Variants in MDM2 observed in about 807,000 individuals in gnomAD.
The protein encoded by MDM2 is MDM2 proto-oncogene, also known as E3 ubiquitin-protein ligase Mdm2.
A neutral mutation model predicts 64.3 loss-of-function variants in MDM2; 11 were observed. The ratio of observed to expected loss-of-function variants is 0.17; its 90% CI spans 0.11 to 0.28. The LOEUF is 0.28. Among genes scored for constraint, MDM2 ranks in the 10% least tolerant of loss-of-function variants. The pLI is 1.00. For missense variants in MDM2, 388 were observed against 577.1 expected, an observed-to-expected ratio of 0.67 and a Z score of 3.36; for synonymous variants, 194 against 192.9, an observed-to-expected ratio of 1.01 and a Z score of -0.05.
intron 7 of MDM2, among the ~76,000 whole-genome samples, chr12:68,825,302 A>G (rs1471200213): frequency 6.6e-6 from 1 of 152,244 alleles, no homozygotes; most frequent in Admixed American, 6.5e-5. Context: ...GTTATTTTTA[A>G]TAAATGGTAG....
chr12:68,833,265 T>A (rs1163917718), intron 8 of MDM2, among the ~76,000 whole-genome samples: 10 of 52,496 alleles, frequency 1.9e-4, no homozygotes, highest in Middle Eastern at 8.9e-3. Context: ...ATTTATATAA[T>A]TATATATTTA....
chr12:68,846,991 T>C (rs1404816189), downstream of MDM2: 1 of 151,446 alleles, frequency 6.6e-6, no homozygotes, highest in Non-Finnish European at 1.5e-5. Flanking sequence ...AAGTTTTTTA[T>C]TTGTTTTTTG....
chr12:68,809,255 C>G lies in MDM2; in HGVS notation c.62C>G (p.Thr21Ser). The G allele has an allele frequency of 6.2e-7, 1 of 1,614,090 alleles. No individual in the cohort carries two copies. The highest frequency in any genetic ancestry group is 8.5e-7 in the Non-Finnish European group (1 of 1,179,990). Reference sequence around the variant, plus strand: ...TCTGTACCTACTGATGGTGCTGTAACCACCTCACAGATTCCAGCTTCGGAA... The same window carrying G: ...TCTGTACCTACTGATGGTGCTGTAAGCACCTCACAGATTCCAGCTTCGGAA... Reference protein sequence around the residue: ...NMSVPTDGAVTTSQIPASEQE... With the variant: ...NMSVPTDGAVSTSQIPASEQE... Residue 21 changes from threonine (T) to serine (S), a missense_variant, in exon 2 of 11, where the codon ACC becomes AGC. Around this residue, in one of 5 missense-constraint regions of MDM2, gnomAD observed 46 missense variants for 45.2 expected, o/e 1.02. Coordinates refer to ENST00000258149, the MANE Select transcript of MDM2 (RefSeq NM_002392.6).
intron 2 of MDM2, 116 bp from the exon 3 acceptor site, chr12:68,813,438 C>T: frequency 1.5e-6 from 1 of 651,796 alleles, no homozygotes; most frequent in Non-Finnish European, 2.7e-6. Flanking sequence ...ATGATTAGAT[C>T]CTCCCCAGCA....
chr12:68,815,417 G>C (rs904004975), intron 3 of MDM2, among the ~76,000 whole-genome samples: 3 of 150,550 alleles, frequency 2.0e-5, no homozygotes, highest in Admixed American at 2.0e-4. Flanking sequence ...AGAAGAGCTG[G>C]GGCCAGTTTC....
At chr12:68,808,863 A>G in intron 1 of MDM2, 1 of 1,329,728 alleles carries the variant, frequency 7.5e-7, no homozygotes, top group Non-Finnish European at 9.7e-7. Flanking sequence ...CGCTGCGCGT[A>G]GTCTGGGCGG....
At chr12:68,831,542 G>A (rs1321378461) in intron 8 of MDM2, among the ~76,000 whole-genome samples, 5 of 152,196 alleles carry the variant, frequency 3.3e-5, no homozygotes, top group African/African-American at 1.2e-4. Context: ...GGTGGGAATC[G>A]CCATGTTGGG....
At chr12:68,820,420 T>C in intron 5 of MDM2, 46 bp downstream of exon 5, 2 of 1,459,310 alleles carry the variant, frequency 1.4e-6, no homozygotes, top group South Asian at 1.2e-5. Context: ...AAAAACGTTT[T>C]AAAGACATTT....
At chr12:68,823,040 C>G (rs1881997864) in intron 5 of MDM2, among the ~76,000 whole-genome samples, 1 of 152,202 alleles carries the variant, frequency 6.6e-6, no homozygotes, top group African/African-American at 2.4e-5. Flanking sequence ...TGCACCCACC[C>G]AGCCTAGGGC....
At chr12:68,827,869 G>A (rs1440990561) in intron 7 of MDM2, among the ~76,000 whole-genome samples, 1 of 152,182 alleles carries the variant, frequency 6.6e-6, no homozygotes, top group Admixed American at 6.5e-5. Flanking sequence ...AGTGGCTTAG[G>A]CCTGTAATCC....
At chr12:68,849,508 C>G (rs1884561466), downstream of MDM2, 1 of 152,176 alleles carries the variant, frequency 6.6e-6, no homozygotes, top group Non-Finnish European at 1.5e-5. Context: ...CTCCCAAGGT[C>G]AAATGATTCT....
At chr12:68,815,082 G>A (rs962428118) in intron 3 of MDM2, among the ~76,000 whole-genome samples, 13 of 152,158 alleles carry the variant, frequency 8.5e-5, no homozygotes, top group African/African-American at 2.2e-4. Flanking sequence ...CTTTAAGGCC[G>A]ATGCCTGCTT....
At chr12:68,828,347 G>A (rs1422566686) in intron 7 of MDM2, 2 of 154,008 alleles carry the variant, frequency 1.3e-5, no homozygotes, top group Non-Finnish European at 2.9e-5. Flanking sequence ...AAGAAGAATA[G>A]AAAGCTTTTT....
chr12:68,836,918 T>C (rs1343970997), intron 10 of MDM2, among the ~76,000 whole-genome samples, 169 bp downstream of exon 10: 3 of 151,874 alleles, frequency 2.0e-5, no homozygotes, highest in Admixed American at 2.0e-4. Flanking sequence ...ATGAGACCTG[T>C]AGCTATAATT....
At chr12:68,815,105 C>A (rs1374686612) in intron 3 of MDM2, among the ~76,000 whole-genome samples, 3 of 152,114 alleles carry the variant, frequency 2.0e-5, no homozygotes, top group Non-Finnish European at 4.4e-5. Flanking sequence ...CCAGTTAAAT[C>A]CAAAGACAGT....
intron 8 of MDM2, among the ~76,000 whole-genome samples, chr12:68,834,125 T>C (rs1024166110): frequency 6.6e-6 from 1 of 152,178 alleles, no homozygotes; most frequent in African/African-American, 2.4e-5. Context: ...CTTTTCTAGA[T>C]GAAGTAGCTA....
intron 7 of MDM2, among the ~76,000 whole-genome samples, chr12:68,825,439 G>C (rs3730576): frequency 0.02 from 3,019 of 152,214 alleles, 112 homozygotes; most frequent in African/African-American, 0.069. Flanking sequence ...GGATCATGAG[G>C]TCAGGAGATC....
chr12:68,818,009 G>A (rs1278765677), intron 4 of MDM2, among the ~76,000 whole-genome samples: 1 of 152,018 alleles, frequency 6.6e-6, no homozygotes, highest in African/African-American at 2.4e-5. Context: ...GACCAGGCTG[G>A]TCTTGAGCTC....
intron 4 of MDM2, 92 bp downstream of exon 4, chr12:68,817,037 G>A: frequency 1.4e-6 from 2 of 1,449,024 alleles, no homozygotes; most frequent in Non-Finnish European, 1.9e-6. Flanking sequence ...GAGAAAAACT[G>A]TTGAAACATA....
Sources: gnomAD v4.1 joint callset for allele counts (sites outside exome capture counted in the v4.1 genomes callset) on GRCh38, gnomAD v4.1.1 for gene constraint, gnomAD v4.1.1 regional missense constraint, MANE v1.5 for transcripts, NCBI Gene and HGNC (gene_info 2026-07-23, HGNC 2026-07-21) for gene names.